The following SRPK2 variants were observed in gnomAD, a reference collection of about 807,000 sequenced individuals.
SRPK2 encodes SRSF protein kinase 2, also known as SFRS protein kinase 2.
In SRPK2, 21 loss-of-function variants were observed where a neutral mutation model predicts 90.8. That is an observed-to-expected ratio of 0.23 (90% CI 0.16 to 0.33). The LOEUF is 0.33. Ranked by LOEUF, SRPK2 falls within the 10% of genes least tolerant of loss-of-function variation. SRPK2 has a pLI of 1.00. For missense variants in SRPK2, 620 were observed against 869.0 expected, an observed-to-expected ratio of 0.71 and a Z score of 3.60; for synonymous variants, 288 against 311.1, an observed-to-expected ratio of 0.93 and a Z score of 0.78.
Position 105,147,919 on chromosome 7 carries a change from T to G in SRPK2, c.622-1261A>C, listed in dbSNP as rs560774667. On this transcript the variant is annotated intron_variant, in intron 7 of 15. Coordinates refer to ENST00000393651, the MANE Select transcript of SRPK2 (RefSeq NM_182692.3). ...GTTTATCCCTTCACCTCATGAACAT[T>G]TGGGTTATTTTCACTTTAGGGGCTA... 3.9e-5 allele frequency among the ~76,000 whole-genome samples: 6 copies of G among 152,308 alleles called. No individual in the cohort carries two copies. The South Asian group carries it at 6.2e-4, about 16-fold the overall frequency.
At chr7:105,322,023 C>T (rs1279026903) in intron 2 of SRPK2, among the ~76,000 whole-genome samples, 1 of 152,042 alleles carries the variant, frequency 6.6e-6, no homozygotes, top group Non-Finnish European at 1.5e-5. Context: ...TCCACAATAG[C>T]CAAAAAGTGA....
At chr7:105,145,701 A>G (rs1211332696) in intron 8 of SRPK2, among the ~76,000 whole-genome samples, 4 of 152,342 alleles carry the variant, frequency 2.6e-5, no homozygotes, top group Admixed American at 6.5e-5. Flanking sequence ...CGATATTTGG[A>G]ATCTATTTTG....
intron 2 of SRPK2, among the ~76,000 whole-genome samples, chr7:105,386,698 C>A (rs1398587920): frequency 1.3e-5 from 2 of 152,170 alleles, no homozygotes; most frequent in Non-Finnish European, 2.9e-5. Context: ...GCCTGAGCGA[C>A]AAGAGCGAAA....
At chr7:105,118,134 T>G in intron 15 of SRPK2, 112 bp from the exon 16 acceptor site, 1 of 1,023,142 alleles carries the variant, frequency 9.8e-7, no homozygotes. Context: ...TCAACACTTG[T>G]ACAGCAACAA....
At chr7:105,142,569 T>A in intron 10 of SRPK2, 79 bp from the exon 11 acceptor site, 1 of 1,502,952 alleles carries the variant, frequency 6.7e-7, no homozygotes, top group Non-Finnish European at 8.8e-7. Context: ...TCTCCATCAA[T>A]AAAATACATT....
chr7:105,353,121 G>C (rs1238455587), intron 2 of SRPK2, among the ~76,000 whole-genome samples: 1 of 152,102 alleles, frequency 6.6e-6, no homozygotes, highest in African/African-American at 2.4e-5. Flanking sequence ...TTAAGTAATT[G>C]CTAAGGAACT....
chr7:105,173,536 A>G (rs898984805), intron 3 of SRPK2, among the ~76,000 whole-genome samples: 3 of 152,142 alleles, frequency 2.0e-5, no homozygotes, highest in South Asian at 2.1e-4. Context: ...CCTAATACCC[A>G]GGGAATCTGA....
At position 105,203,715 on chromosome 7, in the gene SRPK2, A is replaced by C; in HGVS notation, c.142T>G (p.Leu48Val). The C allele has an allele frequency of 6.2e-7, 1 of 1,602,826 alleles. No homozygotes were observed. Among genetic ancestry groups the C allele is most frequent in the Non-Finnish European group, 8.5e-7 (1 of 1,175,066 alleles). Reference protein sequence around the residue: ...PPPPPPPPPPLPDPTPPEPEE... With the variant: ...PPPPPPPPPPVPDPTPPEPEE... ...GGCTCCGGGGGTGTGGGGTCTGGCAAAGGTGGCGGTGGTGGTGGTGGTGGC... is the reference window on the plus strand; with the variant it reads ...GGCTCCGGGGGTGTGGGGTCTGGCACAGGTGGCGGTGGTGGTGGTGGTGGC... The change falls in exon 3 of 16, where the codon TTG becomes GTG. Residue 48 changes from leucine to valine, a missense_variant. Physicochemically the swap from Leu to Val is conservative, Grantham distance 32. This residue lies in a region of SRPK2 where 196 missense variants were observed against 339.2 expected (regional missense o/e 0.58). Coordinates refer to ENST00000393651, the MANE Select transcript of SRPK2 (RefSeq NM_182692.3).
In SRPK2 at chr7:105,142,268, T is replaced by C. The variant is rs767849092; in HGVS notation, c.1283A>G (p.Asp428Gly). The C allele has an allele frequency of 1.2e-6, 2 of 1,614,094 alleles. No individual in the cohort carries two copies. The highest frequency in any genetic ancestry group is 2.7e-5 in the African/African-American group (2 of 74,914). Residue 428 changes from aspartate (D) to glycine (G), a missense_variant, in exon 11 of 16, where the codon GAT becomes GGT. Physicochemically the swap from Asp to Gly is moderately conservative, Grantham distance 94 (BLOSUM62 -1). This residue lies in a region of SRPK2 where 243 missense variants were observed against 245.7 expected (regional missense o/e 0.99). Transcript: ENST00000393651. ...DCPNPEEYNL[D>G]EPNAESDYTY... Reference sequence around the variant, plus strand: ...GTAATCACTTTCTGCATTTGGCTCATCAAGATTATATTCCTCAGGATTTGG... The same window carrying C: ...GTAATCACTTTCTGCATTTGGCTCACCAAGATTATATTCCTCAGGATTTGG...
intron 2 of SRPK2, among the ~76,000 whole-genome samples, chr7:105,340,906 T>A (rs577759652): frequency 1.3e-5 from 2 of 152,294 alleles, no homozygotes; most frequent in African/African-American, 4.8e-5. Flanking sequence ...TCTAATGAGA[T>A]ATTAATGTTT....
At chr7:105,363,405 C>G (rs1040219782) in intron 2 of SRPK2, among the ~76,000 whole-genome samples, 2 of 152,114 alleles carry the variant, frequency 1.3e-5, no homozygotes, top group African/African-American at 4.8e-5. Flanking sequence ...GACATTTATG[C>G]AACCAACAGA....
chr7:105,381,303 G>A (rs934930794), intron 2 of SRPK2, among the ~76,000 whole-genome samples: 7 of 152,018 alleles, frequency 4.6e-5, no homozygotes, highest in East Asian at 1.9e-4. Flanking sequence ...CTGGCCAGGC[G>A]CAGTGGCTCA....
At chr7:105,294,092 A>T (rs902292501) in intron 2 of SRPK2, among the ~76,000 whole-genome samples, 6 of 152,194 alleles carry the variant, frequency 3.9e-5, no homozygotes, top group African/African-American at 1.4e-4. Flanking sequence ...TCTCTAGTCC[A>T]TACCTGTACC....
At chr7:105,170,418 C>A (rs1175967738) in intron 3 of SRPK2, among the ~76,000 whole-genome samples, 1 of 151,894 alleles carries the variant, frequency 6.6e-6, no homozygotes, top group African/African-American at 2.4e-5. Flanking sequence ...TGAGGCCGGG[C>A]ACGGTGGCTC....
chr7:105,335,822 G>A (rs1490649275), intron 2 of SRPK2, among the ~76,000 whole-genome samples: 1 of 151,996 alleles, frequency 6.6e-6, no homozygotes, highest in Non-Finnish European at 1.5e-5. Flanking sequence ...CAAGCGTGGT[G>A]GCAGGCACCT....
intron 2 of SRPK2, among the ~76,000 whole-genome samples, chr7:105,207,191 C>T (rs1471706066): frequency 2.6e-5 from 4 of 152,188 alleles, no homozygotes; most frequent in Non-Finnish European, 1.5e-5. Flanking sequence ...GGGTGGAGTG[C>T]AGTGGTGCAT....
chr7:105,279,593 C>T (rs1464035127), intron 2 of SRPK2, among the ~76,000 whole-genome samples: 1 of 152,222 alleles, frequency 6.6e-6, no homozygotes. Context: ...TAAAACCTCA[C>T]AGTTCACCAG....
At chr7:105,268,403 C>T (rs1236299392) in intron 2 of SRPK2, among the ~76,000 whole-genome samples, 1 of 152,216 alleles carries the variant, frequency 6.6e-6, no homozygotes, top group East Asian at 1.9e-4. Flanking sequence ...TATTTTTAAC[C>T]TACATTTTAC....
At chr7:105,170,916 G>GAA (rs1790920120) in intron 3 of SRPK2, among the ~76,000 whole-genome samples, 94 of 66,076 alleles carry the variant, frequency 1.4e-3, no homozygotes, top group East Asian at 4.3e-3. Flanking sequence ...AGAAAGAAAG[G>GAA]AGAAAGAAAA....
Sources: allele counts gnomAD v4.1 joint callset (sites outside exome capture counted in the v4.1 genomes callset), GRCh38; gene constraint gnomAD v4.1.1; regional missense constraint gnomAD v4.1.1; transcripts MANE v1.5; gene names NCBI Gene and HGNC (gene_info 2026-07-23, HGNC 2026-07-21).